NUP205: variants seen among roughly 807,000 people sequenced by gnomAD.
The protein encoded by NUP205 is nuclear pore complex protein Nup205.
In NUP205, 76 loss-of-function variants were observed where a neutral mutation model predicts 253.8. The ratio of observed to expected loss-of-function variants is 0.30; its 90% confidence interval spans 0.25 to 0.36. NUP205 has a LOEUF of 0.36. Ranked by LOEUF, NUP205 falls within the 10% of genes least tolerant of loss-of-function variation. The pLI, the probability that NUP205 is intolerant of heterozygous loss-of-function variation, is 1.00. For missense variants in NUP205, 2,162 were observed against 2,425.5 expected, an observed-to-expected ratio of 0.89 and a Z score of 2.28; for synonymous variants, 832 against 850.1, an observed-to-expected ratio of 0.98 and a Z score of 0.37.
In NUP205 at chr7:135,584,976, T is replaced by A; in HGVS notation, c.1187T>A (p.Ile396Asn). 1 of 1,613,412 alleles carries A rather than the reference T, an allele frequency of 6.2e-7. No homozygotes were observed. The highest frequency in any genetic ancestry group is 8.5e-7 in the Non-Finnish European group (1 of 1,179,412). The stretch of plus-strand genomic sequence containing the variant: ...TATATTCGCAGAGTCCATAATCTCA[T>A]CACAGATTTCCTTGCACTTATGCCA... Reference protein sequence around the residue: ...EFYIRRVHNLITDFLALMPMK... With the variant: ...EFYIRRVHNLNTDFLALMPMK... The change falls in exon 8 of 43, where the codon ATC becomes AAC. Residue 396 changes from isoleucine (I) to asparagine (N), a missense_variant. By Grantham distance (149) the Ile-to-Asn change is moderately radical. Around this residue, in one of 5 missense-constraint regions of NUP205, gnomAD observed 892 missense variants for 957.1 expected, o/e 0.93. Transcript: ENST00000285968.
chr7:135,645,948 G>A (rs1013527858), intron 41 of NUP205: 6 of 590,400 alleles, frequency 1.0e-5, no homozygotes, highest in Non-Finnish European at 1.8e-5. Context: ...CCCTTAGGTG[G>A]AAGGAAATAG....
Position 135,626,388 on chromosome 7 carries a change from T to C in NUP205, c.4793+27T>C, listed in dbSNP as rs767314687. The C allele has an allele frequency of 1.9e-6, 3 of 1,595,070 alleles. No homozygotes were observed. In the Admixed American group the frequency reaches 5.4e-5, roughly 28 times the overall value. On this transcript the variant is annotated intron_variant, in intron 33 of 42. Transcript: ENST00000285968. ...TAAGTGTCTGTATAGATTAATTTGGTTAAACTCCCAGTAAAGGATTATTAA... is the reference window on the plus strand; with the variant it reads ...TAAGTGTCTGTATAGATTAATTTGGCTAAACTCCCAGTAAAGGATTATTAA...
rs528677040 is a variant in NUP205 at position 135,601,041 on chromosome 7, A to G, written c.2374+72A>G. ...TTTATAAATTATGGCTATGTTATAT[A>G]TAAATTAAAAATTATACTTTTAAAT... On this transcript the variant is annotated intron_variant, in intron 16 of 42. Transcript: ENST00000285968. The G allele has an allele frequency of 4.3e-6, 3 of 692,718 alleles. No homozygotes were observed. In the South Asian group the frequency reaches 6.5e-5, roughly 15 times the overall value. 42.9% of individuals were successfully genotyped at this position (692,718 alleles called of 1,614,324 possible).
chr7:135,593,117 T>C lies in NUP205; in HGVS notation c.1755T>C (p.Pro585=). 1 of 1,614,136 alleles carries C rather than the reference T, an allele frequency of 6.2e-7. No homozygotes were observed. The highest frequency in any genetic ancestry group is 8.5e-7 in the Non-Finnish European group (1 of 1,179,996). The change falls in exon 12 of 43, where the codon CCT becomes CCC. Residue 585 remains proline (P), a synonymous_variant. Transcript: ENST00000285968. ...ATAGTGTCCAGTACCGTCACCTTCC[T>C]TCCCGTGGCATCACCCAGAAGGAGC... The part of the protein sequence containing the change: ...SADSVQYRHL[P]SRGITQKEQD...
At chr7:135,559,872 T>C (rs1805534820) in intron 1 of NUP205, among the ~76,000 whole-genome samples, 1 of 151,554 alleles carries the variant, frequency 6.6e-6, no homozygotes, top group Admixed American at 6.6e-5. Flanking sequence ...GGCTAATTTT[T>C]TTTTGAGATG....
intron 12 of NUP205, 39 bp from the exon 13 acceptor site, chr7:135,594,507 TA>T: frequency 6.7e-7 from 1 of 1,502,164 alleles, no homozygotes; most frequent in Non-Finnish European, 9.0e-7. Context: ...TAATAACTTT[TA>T]AAAATGGAAA....
At chr7:135,567,961 C>T (rs1805832136) in intron 1 of NUP205, among the ~76,000 whole-genome samples, 1 of 152,184 alleles carries the variant, frequency 6.6e-6, no homozygotes, top group African/African-American at 2.4e-5. Context: ...CGCCGTGGCT[C>T]ATGCCAGTAA....
In NUP205 at chr7:135,598,055, T is replaced by G. The variant is rs775729174; in HGVS notation, c.2122T>G (p.Cys708Gly). The G allele has an allele frequency of 6.2e-7, 1 of 1,614,140 alleles. No homozygotes were observed. The highest frequency in any genetic ancestry group is 1.1e-5 in the South Asian group (1 of 91,084). The change falls in exon 15 of 43, where the codon TGC (cysteine) becomes GGC (glycine). Residue 708 changes from cysteine (C) to glycine (G), a missense_variant. This residue lies in a region of NUP205 where 892 missense variants were observed against 957.1 expected (regional missense o/e 0.93). Coordinates refer to ENST00000285968, the MANE Select transcript of NUP205 (RefSeq NM_015135.3). ...CEEYPLTRAF[C>G]QLISTLVESS... Reference sequence around the variant, plus strand: ...AGAATACCCATTGACTCGGGCCTTTTGCCAGCTTATTAGTACTCTGGTGGA... The same window carrying G: ...AGAATACCCATTGACTCGGGCCTTTGGCCAGCTTATTAGTACTCTGGTGGA...
intron 1 of NUP205, among the ~76,000 whole-genome samples, chr7:135,565,385 C>T (rs1805723512): frequency 6.6e-6 from 1 of 151,996 alleles, no homozygotes; most frequent in Non-Finnish European, 1.5e-5. Flanking sequence ...TACTAACAGA[C>T]CTTTTCTTCC....
At chr7:135,609,243 A>G (rs1286125962) in intron 22 of NUP205, among the ~76,000 whole-genome samples, 6 of 152,102 alleles carry the variant, frequency 3.9e-5, no homozygotes, top group African/African-American at 1.4e-4. Flanking sequence ...CCTGGTGAAC[A>G]TGGTGAAACC....
chr7:135,618,640 G>T, intron 28 of NUP205, 37 bp downstream of exon 28: 1 of 1,461,848 alleles, frequency 6.8e-7, no homozygotes. Flanking sequence ...ACTGCTGAAC[G>T]AATGTATCAT....
chr7:135,583,211 C>T (rs73725146), intron 7 of NUP205, among the ~76,000 whole-genome samples: 5,375 of 152,234 alleles, frequency 0.035, 128 homozygotes, highest in Middle Eastern at 0.1. Flanking sequence ...AATGTACTTA[C>T]GGTAACAGAC....
intron 26 of NUP205, among the ~76,000 whole-genome samples, 161 bp downstream of exon 26, chr7:135,617,408 CTT>C (rs980593017): frequency 3.0e-4 from 46 of 152,086 alleles, no homozygotes; most frequent in African/African-American, 1.1e-3. Context: ...TGAAATAAAA[CTT>C]AATATATCAC....
Position 135,601,374 on chromosome 7 carries a change from A to G in NUP205, c.2379A>G (p.Glu793=). 1 of 1,611,906 alleles carries G rather than the reference A, an allele frequency of 6.2e-7. No individual in the cohort carries two copies. The highest frequency in any genetic ancestry group is 8.5e-7 in the Non-Finnish European group (1 of 1,179,038). ...FVDQFVELQG[E]EIIAYKPPGF... ...AATATGTTATGTTCTATTTAGGAGAAGAAATCATAGCCTATAAGCCACCTG... is the reference window on the plus strand; with the variant it reads ...AATATGTTATGTTCTATTTAGGAGAGGAAATCATAGCCTATAAGCCACCTG... Residue 793 remains glutamate, a synonymous_variant, in exon 17 of 43, where the codon GAA becomes GAG. Transcript: ENST00000285968.
At chr7:135,566,930 G>A (rs930888212) in intron 1 of NUP205, among the ~76,000 whole-genome samples, 3 of 151,020 alleles carry the variant, frequency 2.0e-5, no homozygotes, top group African/African-American at 7.3e-5. Context: ...TAGAGATGGG[G>A]TTTCACCATA....
At chr7:135,629,264 A>G (rs1794654679) in intron 34 of NUP205, among the ~76,000 whole-genome samples, 2 of 152,366 alleles carry the variant, frequency 1.3e-5, no homozygotes, top group South Asian at 2.1e-4. Context: ...AGAGGACTCC[A>G]TGAGTGTACA....
intron 11 of NUP205, among the ~76,000 whole-genome samples, chr7:135,591,900 C>G (rs538840820): frequency 1.3e-5 from 2 of 152,034 alleles, no homozygotes; most frequent in African/African-American, 2.4e-5. Flanking sequence ...AAGCATATGC[C>G]CTTGCCTTAT....
intron 19 of NUP205, among the ~76,000 whole-genome samples, chr7:135,604,743 G>A (rs1355571879): frequency 6.6e-6 from 1 of 152,170 alleles, no homozygotes; most frequent in African/African-American, 2.4e-5. Context: ...AAATGATTAG[G>A]TTTGCTGTTA....
chr7:135,573,807 G>A lies in NUP205; in HGVS notation c.325G>A (p.Val109Ile). The change falls in exon 3 of 43, where the codon GTT becomes ATT. Residue 109 changes from valine to isoleucine, a missense_variant. By Grantham distance (29) the Val-to-Ile change is conservative. This residue lies in a region of NUP205 where 109 missense variants were observed against 131.8 expected (regional missense o/e 0.83). Transcript: ENST00000285968. ...DLFDIGELAA[V>I]ELLLAGEHQQ... ...TTTTGATATTGGAGAATTGGCAGCT[G>A]TTGAGCTTCTTCTTGCTGGTAGGTT... 1.2e-6 allele frequency: 2 copies of A among 1,610,422 alleles called. No individual in the cohort carries two copies. Among genetic ancestry groups the A allele is most frequent in the South Asian group, 1.1e-5 (1 of 89,738 alleles).
Sources: gnomAD v4.1 joint callset for allele counts (sites outside exome capture counted in the v4.1 genomes callset) on GRCh38, gnomAD v4.1.1 for gene constraint, gnomAD v4.1.1 regional missense constraint, MANE v1.5 for transcripts, NCBI Gene and HGNC (gene_info 2026-07-23, HGNC 2026-07-21) for gene names.